Variants in SPPL3 observed in about 807,000 individuals in gnomAD.
The protein encoded by SPPL3 is signal peptide peptidase-like 3.
In SPPL3, 5 loss-of-function variants were observed where a neutral mutation model predicts 42.4. That is an observed-to-expected ratio of 0.12 (90% confidence interval 0.06 to 0.25). SPPL3 has a LOEUF of 0.25. SPPL3 is among the 10% of genes least tolerant of loss of function. The pLI is 1.00. For missense variants in SPPL3, 235 were observed against 489.0 expected (o/e 0.48, Z 4.90); for synonymous variants, 195 against 181.8 (o/e 1.07, Z -0.58).
At chr12:120,854,850 T>C (rs1592997260) in intron 1 of SPPL3, among the ~76,000 whole-genome samples, 1 of 152,348 alleles carries the variant, frequency 6.6e-6, no homozygotes, top group East Asian at 1.9e-4. Context: ...TGTTTTGTTA[T>C]AATCAAAACC....
At chr12:120,890,514 G>A (rs1027094851) in intron 1 of SPPL3, among the ~76,000 whole-genome samples, 13 of 149,994 alleles carry the variant, frequency 8.7e-5, no homozygotes, top group Non-Finnish European at 1.5e-4. Flanking sequence ...GCTTGAATCT[G>A]GAAGGCGGAG....
chr12:120,777,770 A>G (rs1733173263), intron 6 of SPPL3, among the ~76,000 whole-genome samples: 1 of 152,252 alleles, frequency 6.6e-6, no homozygotes, highest in African/African-American at 2.4e-5. Flanking sequence ...GCTTATATGC[A>G]TAGTGGGTTC....
intron 1 of SPPL3, among the ~76,000 whole-genome samples, chr12:120,827,379 A>G (rs1871261667): frequency 6.7e-6 from 1 of 149,528 alleles, no homozygotes; most frequent in Non-Finnish European, 1.5e-5. Flanking sequence ...AATAATAACA[A>G]TAATAATAAT....
chr12:120,903,730 G>GCC, intron 1 of SPPL3, 115 bp downstream of exon 1: 20 of 283,058 alleles, frequency 7.1e-5, no homozygotes, highest in South Asian at 1.7e-4. Context: ...ACCCCAACCC[G>GCC]CGCCCCCCCC....
intron 1 of SPPL3, among the ~76,000 whole-genome samples, chr12:120,865,087 G>C (rs904001825): frequency 6.6e-5 from 10 of 152,164 alleles, no homozygotes; most frequent in African/African-American, 2.4e-4. Context: ...GAGATTTTCA[G>C]GGATTTCCAG....
intron 10 of SPPL3, 132 bp from the exon 11 acceptor site, chr12:120,765,202 C>T (rs184279843): frequency 5.5e-6 from 4 of 729,356 alleles, no homozygotes; most frequent in Middle Eastern, 2.7e-4. Context: ...TGGTCTCAAA[C>T]TCCTGGGCTC....
chr12:120,890,046 G>C (rs1873586939), intron 1 of SPPL3, among the ~76,000 whole-genome samples: 1 of 151,292 alleles, frequency 6.6e-6, no homozygotes, highest in Non-Finnish European at 1.5e-5. Flanking sequence ...GGGAGTTCGA[G>C]ACCAGACTGA....
At chr12:120,839,508 T>C (rs955123089) in intron 1 of SPPL3, among the ~76,000 whole-genome samples, 1 of 152,000 alleles carries the variant, frequency 6.6e-6, no homozygotes, top group South Asian at 2.1e-4. Context: ...TAAAGTATAA[T>C]AATAAACAAA....
At position 120,806,290 on chromosome 12, in the gene SPPL3, T is replaced by C. The variant is rs189666582; in HGVS notation, c.101+4519A>G. Among the ~76,000 whole-genome samples the C allele has an allele frequency of 1.8e-3, 261 of 149,130 alleles. 1 individual carries two copies. The highest frequency in any genetic ancestry group is 6.1e-3 in the African/African-American group (250 of 40,798). On this transcript the variant is annotated intron_variant, in intron 2 of 10. Transcript: ENST00000353487. The stretch of plus-strand genomic sequence containing the variant: ...ATAGTTCACCATAACCCCAAACACC[T>C]GGGGCTCAGGTGATCCTCCCACCTT...
chr12:120,810,924 A>G, intron 1 of SPPL3, 38 bp from the exon 2 acceptor site: 1 of 1,471,878 alleles, frequency 6.8e-7, no homozygotes, highest in Non-Finnish European at 9.5e-7. Flanking sequence ...AATCACATGC[A>G]GTGAGTCCTA....
At chr12:120,771,551 T>TTTC (rs113253204) in intron 6 of SPPL3, among the ~76,000 whole-genome samples, 142,468 of 151,926 alleles carry the variant, frequency 0.94, 66,890 homozygotes, top group Middle Eastern at 0.99. Context: ...ATATACATAA[T>TTTC]TTCTTCTTTT....
intron 1 of SPPL3, among the ~76,000 whole-genome samples, chr12:120,823,467 G>C (rs1191518803): frequency 3.9e-5 from 6 of 152,040 alleles, no homozygotes; most frequent in African/African-American, 9.7e-5. Flanking sequence ...CGCTCCCCTT[G>C]CAGGATCTGA....
chr12:120,773,845 C>T (rs1869212080), intron 6 of SPPL3, among the ~76,000 whole-genome samples: 1 of 152,218 alleles, frequency 6.6e-6, no homozygotes, highest in African/African-American at 2.4e-5. Flanking sequence ...TTCAGGTGAT[C>T]CACCTGCCTC....
intron 2 of SPPL3, among the ~76,000 whole-genome samples, chr12:120,795,982 T>C (rs965729678): frequency 6.6e-6 from 1 of 152,220 alleles, no homozygotes; most frequent in Non-Finnish European, 1.5e-5. Flanking sequence ...ACTAATCTTT[T>C]CTTCTGCAGT....
At position 120,769,001 on chromosome 12, in the gene SPPL3, C is replaced by T; in HGVS notation, c.561G>A (p.Lys187=). The change falls in exon 7 of 11, where the codon AAG becomes AAA. Residue 187 remains lysine, a synonymous_variant. Transcript: ENST00000353487. ...MIAFVRLPSL[K]VSCLLLSGLL... ...GCCCTGAGAGAAGCAGGCAGGAGAC[C>T]TTGAGGCTCGGCAGGCGGACAAAGG... The T allele has an allele frequency of 6.2e-7, 1 of 1,612,514 alleles. No individual in the cohort carries two copies. The highest frequency in any genetic ancestry group is 8.5e-7 in the Non-Finnish European group (1 of 1,179,564).
chr12:120,882,952 T>C (rs1290624794), intron 1 of SPPL3, among the ~76,000 whole-genome samples: 1 of 151,902 alleles, frequency 6.6e-6, no homozygotes, highest in Admixed American at 6.6e-5. Flanking sequence ...GACTATTTTA[T>C]CAACATATAG....
chr12:120,854,027 G>GACACACAC (rs1872366164), intron 1 of SPPL3, among the ~76,000 whole-genome samples: 1 of 102,294 alleles, frequency 9.8e-6, no homozygotes, highest in South Asian at 2.7e-4. Context: ...CACACACACG[G>GACACACAC]GGAAAAAAAA....
At chr12:120,881,425 G>A (rs542100362) in intron 1 of SPPL3, among the ~76,000 whole-genome samples, 17 of 126,388 alleles carry the variant, frequency 1.3e-4, no homozygotes, top group East Asian at 4.9e-4. Context: ...CCAAGACAGC[G>A]CCACAGAACT....
At chr12:120,845,404 T>A in intron 1 of SPPL3, 1 of 380,782 alleles carries the variant, frequency 2.6e-6, no homozygotes, top group Non-Finnish European at 5.3e-6. Context: ...GCCTGTGTGT[T>A]CTGGAAGTAG....
Sources: gnomAD v4.1 joint callset for allele counts (sites outside exome capture counted in the v4.1 genomes callset) on GRCh38, gnomAD v4.1.1 for gene constraint, MANE v1.5 for transcripts, NCBI Gene and HGNC (gene_info 2026-07-23, HGNC 2026-07-21) for gene names.